Variants in DCLK1 observed in about 807,000 individuals in gnomAD.
DCLK1 encodes the protein doublecortin like kinase 1, also known as serine/threonine-protein kinase DCLK1.
In DCLK1, 16 loss-of-function variants were observed where a neutral mutation model predicts 86.2. The observed-to-expected ratio is 0.19, with a 90% CI of 0.13 to 0.28. The LOEUF is 0.28. Ranked by LOEUF, DCLK1 falls within the 10% of genes least tolerant of loss-of-function variation. The pLI is 1.00. For missense variants in DCLK1, 590 were observed against 940.2 expected (o/e 0.63, Z 4.87); for synonymous variants, 369 against 370.5 (o/e 1.00, Z 0.05).
intron 4 of DCLK1, among the ~76,000 whole-genome samples, chr13:35,939,145 T>G (rs1876942713): frequency 6.6e-6 from 1 of 152,104 alleles, no homozygotes. Context: ...CCAGAAACCC[T>G]TGTGGCCTTT....
intron 4 of DCLK1, among the ~76,000 whole-genome samples, chr13:35,918,892 G>GTTTTTTTTTGTTTT (rs1875603902): frequency 1.3e-5 from 1 of 76,310 alleles, no homozygotes; most frequent in African/African-American, 4.4e-5. Context: ...TTCTGAGTGT[G>GTTTTTTTTTGTTTT]TTTTTTTTTT....
At chr13:35,852,145 G>C (rs1220209436) in intron 6 of DCLK1, among the ~76,000 whole-genome samples, 2 of 152,164 alleles carry the variant, frequency 1.3e-5, no homozygotes, top group African/African-American at 4.8e-5. Context: ...ATTCTTTGAA[G>C]TGTCTTCTTT....
chr13:35,908,613 G>C (rs1451468117), intron 4 of DCLK1, among the ~76,000 whole-genome samples: 1 of 152,134 alleles, frequency 6.6e-6, no homozygotes, highest in Non-Finnish European at 1.5e-5. Context: ...CTCCTATTAT[G>C]GATTTCAGGC....
At chr13:35,961,269 A>G (rs757835216) in intron 3 of DCLK1, among the ~76,000 whole-genome samples, 3 of 152,224 alleles carry the variant, frequency 2.0e-5, no homozygotes, top group Non-Finnish European at 4.4e-5. Context: ...GTGTTCAGAG[A>G]AAAGCAAATA....
chr13:35,973,147 G>T (rs1879151647), intron 3 of DCLK1, among the ~76,000 whole-genome samples: 1 of 152,158 alleles, frequency 6.6e-6, no homozygotes, highest in African/African-American at 2.4e-5. Flanking sequence ...AGGGGAGGTG[G>T]TCCATTAGAT....
chr13:35,804,037 C>T (rs748078772), intron 15 of DCLK1, among the ~76,000 whole-genome samples: 4 of 152,168 alleles, frequency 2.6e-5, no homozygotes, highest in Non-Finnish European at 5.9e-5. Flanking sequence ...ACAATAAGTA[C>T]AAACACAACA....
chr13:35,868,316 T>C (rs1872006921), intron 5 of DCLK1, among the ~76,000 whole-genome samples: 1 of 152,120 alleles, frequency 6.6e-6, no homozygotes, highest in Non-Finnish European at 1.5e-5. Flanking sequence ...CCACCGCACC[T>C]GGCCCAACCT....
intron 2 of DCLK1, among the ~76,000 whole-genome samples, chr13:36,121,799 T>A (rs1886002690): frequency 6.6e-6 from 1 of 152,124 alleles, no homozygotes; most frequent in Admixed American, 6.5e-5. Context: ...CTGGTATCTC[T>A]GAGAGGACCC....
intron 3 of DCLK1, among the ~76,000 whole-genome samples, chr13:36,069,964 A>T (rs1883905801): frequency 6.6e-6 from 1 of 152,202 alleles, no homozygotes; most frequent in African/African-American, 2.4e-5. Flanking sequence ...TAGTGCAATC[A>T]GCCAGTCAAC....
At chr13:35,939,364 G>A (rs1209628754) in intron 4 of DCLK1, among the ~76,000 whole-genome samples, 1 of 152,168 alleles carries the variant, frequency 6.6e-6, no homozygotes, top group African/African-American at 2.4e-5. Flanking sequence ...CAAAAACTTA[G>A]AATTATTCAA....
intron 3 of DCLK1, among the ~76,000 whole-genome samples, chr13:36,108,132 G>A (rs1885470219): frequency 1.3e-5 from 2 of 151,978 alleles, no homozygotes; most frequent in African/African-American, 2.4e-5. Context: ...TCCTTGAACT[G>A]CCAGCCATGC....
At chr13:35,782,276 A>G (rs942104554) in intron 16 of DCLK1, among the ~76,000 whole-genome samples, 1 of 152,084 alleles carries the variant, frequency 6.6e-6, no homozygotes, top group African/African-American at 2.4e-5. Flanking sequence ...GACAGTTAAA[A>G]TTACAGCCAA....
At chr13:35,833,428 A>T (rs1296951429) in intron 8 of DCLK1, among the ~76,000 whole-genome samples, 1 of 152,146 alleles carries the variant, frequency 6.6e-6, no homozygotes, top group Non-Finnish European at 1.5e-5. Context: ...TCCACGAAAC[A>T]GCTTCAAAGT....
At chr13:35,911,144 A>AG (rs1491197736) in intron 4 of DCLK1, among the ~76,000 whole-genome samples, 1 of 149,314 alleles carries the variant, frequency 6.7e-6, no homozygotes, top group African/African-American at 2.5e-5. Flanking sequence ...AAAAAAAAAA[A>AG]CTAGCCAGGC....
intron 5 of DCLK1, among the ~76,000 whole-genome samples, chr13:35,855,146 G>C (rs1233649222): frequency 6.6e-6 from 1 of 152,202 alleles, no homozygotes; most frequent in African/African-American, 2.4e-5. Context: ...ATTGGCCACA[G>C]ACGCTGAGAA....
intron 3 of DCLK1, among the ~76,000 whole-genome samples, chr13:36,004,575 T>C (rs938247919): frequency 6.6e-6 from 1 of 152,116 alleles, no homozygotes; most frequent in Non-Finnish European, 1.5e-5. Flanking sequence ...ACAAGTTTTT[T>C]GTTGTTGTTG....
At chr13:36,054,159 T>C (rs1277614560) in intron 3 of DCLK1, among the ~76,000 whole-genome samples, 1 of 152,160 alleles carries the variant, frequency 6.6e-6, no homozygotes, top group African/African-American at 2.4e-5. Flanking sequence ...GATAATGTCC[T>C]TGGCTGGGGC....
At chr13:35,914,361 A>ACGTG (rs1566600311) in intron 4 of DCLK1, among the ~76,000 whole-genome samples, 3 of 90,308 alleles carry the variant, frequency 3.3e-5, no homozygotes, top group African/African-American at 1.7e-4. Context: ...ATATATATAT[A>ACGTG]TATATATGTA....
At chr13:35,940,220 C>CAAAAAAAAAA (rs35918536) in intron 4 of DCLK1, among the ~76,000 whole-genome samples, 1 of 98,060 alleles carries the variant, frequency 1.0e-5, no homozygotes, top group African/African-American at 3.3e-5. Flanking sequence ...GAGTCTGTCT[C>CAAAAAAAAAA]AAAAAAAAAA....
Sources: gnomAD v4.1 joint callset for allele counts (sites outside exome capture counted in the v4.1 genomes callset) on GRCh38, gnomAD v4.1.1 for gene constraint, MANE v1.5 for transcripts, NCBI Gene and HGNC (gene_info 2026-07-23, HGNC 2026-07-21) for gene names.